DYM: variants seen among roughly 807,000 people sequenced by gnomAD.
DYM encodes the protein dymeclin, also known as dyggve-Melchior-Clausen syndrome protein.
In DYM, 78 loss-of-function variants were observed where a neutral mutation model predicts 93.1. The observed-to-expected ratio is 0.84, with a 90% CI of 0.70 to 1.01. The LOEUF (loss-of-function observed/expected upper bound fraction) is 1.01. Among genes scored for constraint, DYM ranks in the 50% least tolerant of loss-of-function variants. The probability of loss-of-function intolerance (pLI) is 0.00; values close to 1 mark genes in which losing one functional copy is unlikely to be tolerated. For synonymous variants in DYM, 321 were observed against 319.7 expected (o/e 1.00, Z -0.04); for missense variants, 789 against 845.0 (o/e 0.93, Z 0.82).
At chr18:49,394,392 T>G (rs1319565736) in intron 2 of DYM, among the ~76,000 whole-genome samples, 11 of 142,182 alleles carry the variant, frequency 7.7e-5, no homozygotes, top group African/African-American at 2.4e-4. Context: ...CATTTGTCTG[T>G]TTTTTTTTAT....
intron 5 of DYM, among the ~76,000 whole-genome samples, chr18:49,370,127 A>T (rs1229825789): frequency 6.6e-6 from 1 of 151,978 alleles, no homozygotes; most frequent in African/African-American, 2.4e-5. Flanking sequence ...AAAATACAAA[A>T]ATCAGCTGGG....
rs151319198 is a variant in DYM at position 49,399,682 on chromosome 18, G to C, written c.141-8037C>G. 2.0e-5 allele frequency among the ~76,000 whole-genome samples: 3 copies of C among 152,212 alleles called. No homozygotes were observed. In the East Asian group the frequency reaches 5.8e-4, roughly 29 times the overall value. On this transcript the variant is annotated intron_variant, in intron 2 of 17. Coordinates refer to ENST00000675505, the MANE Select transcript of DYM (RefSeq NM_001353214.3). Reference sequence around the variant, plus strand: ...CATAAAACTGAGCACGCAGCAGTAAGATTGCCCAGTTGCTTGTCTATGGCC... The same window carrying C: ...CATAAAACTGAGCACGCAGCAGTAACATTGCCCAGTTGCTTGTCTATGGCC...
intron 8 of DYM, among the ~76,000 whole-genome samples, chr18:49,319,396 C>T (rs1302916743): frequency 6.6e-6 from 1 of 151,848 alleles, no homozygotes; most frequent in East Asian, 1.9e-4. Context: ...TTTTAATAAT[C>T]TAAAAAAGGG....
intron 1 of DYM, among the ~76,000 whole-genome samples, chr18:49,440,169 G>C (rs1347636358): frequency 1.4e-5 from 2 of 144,066 alleles, no homozygotes; most frequent in Non-Finnish European, 3.0e-5. Context: ...TAAATGGAAA[G>C]TAAACATTAG....
chr18:49,049,614 C>T (rs931835347), intron 17 of DYM: 1 of 153,126 alleles, frequency 6.5e-6, no homozygotes, highest in East Asian at 1.9e-4. Flanking sequence ...AGAGTAAGTA[C>T]TTAATGAATG....
intron 5 of DYM, among the ~76,000 whole-genome samples, chr18:49,366,636 CA>C (rs1201652895): frequency 3.9e-5 from 6 of 152,288 alleles, no homozygotes; most frequent in African/African-American, 1.4e-4. Context: ...TTAAAACAAA[CA>C]AACAAACAAG....
chr18:49,296,509 G>A (rs1465986856), intron 8 of DYM, among the ~76,000 whole-genome samples: 1 of 152,074 alleles, frequency 6.6e-6, no homozygotes, highest in Non-Finnish European at 1.5e-5. Context: ...CAGTCTAAAG[G>A]AGAAACTAAC....
At chr18:49,295,702 C>T (rs1336973261) in intron 8 of DYM, among the ~76,000 whole-genome samples, 12 of 152,038 alleles carry the variant, frequency 7.9e-5, no homozygotes, top group Non-Finnish European at 1.5e-4. Flanking sequence ...AAAGCCAAAC[C>T]GATATCCTAA....
intron 2 of DYM, among the ~76,000 whole-genome samples, chr18:49,408,741 C>T (rs1335449396): frequency 2.6e-5 from 4 of 152,124 alleles, no homozygotes; most frequent in African/African-American, 7.2e-5. Flanking sequence ...AAATTATTAC[C>T]GTGCCATGTA....
At chr18:49,327,337 T>G (rs1450823916) in intron 8 of DYM, among the ~76,000 whole-genome samples, 1 of 151,918 alleles carries the variant, frequency 6.6e-6, no homozygotes, top group Non-Finnish European at 1.5e-5. Context: ...CTCTCTACTG[T>G]GTATATCTTT....
chr18:49,131,305 G>A (rs145662361), intron 15 of DYM, among the ~76,000 whole-genome samples: 67 of 152,202 alleles, frequency 4.4e-4, no homozygotes, highest in Non-Finnish European at 5.6e-4. Context: ...GCAAGCAAGC[G>A]AGCAAGTGAG....
intron 6 of DYM, among the ~76,000 whole-genome samples, chr18:49,360,631 A>G (rs1048447417): frequency 2.6e-5 from 4 of 152,042 alleles, no homozygotes; most frequent in African/African-American, 9.7e-5. Context: ...AAAAAAAAAA[A>G]GAAAAAAAAT....
chr18:49,145,134 T>TATATATATATATATATATATATATA (rs1555778609), intron 15 of DYM, among the ~76,000 whole-genome samples: 2 of 79,570 alleles, frequency 2.5e-5, no homozygotes, highest in Non-Finnish European at 5.1e-5. Flanking sequence ...TATATATATA[T>TATATATATATATATATATATATATA]AATTTATATA....
rs138229840 is a variant in DYM at position 49,326,113 on chromosome 18, A to G, written c.763+5751T>C. On this transcript the variant is annotated intron_variant, in intron 8 of 17. Transcript: ENST00000675505. ...ACCAGGTCCCACCTCATGTCTAATG[A>G]ATCAGAAACTCCAAGTTCTAACTAC... 9.7e-3 allele frequency among the ~76,000 whole-genome samples: 1,481 copies of G among 152,352 alleles called. 72 individuals carry two copies. The highest frequency in any genetic ancestry group is 0.087 in the Admixed American group (1,338 of 15,302).
chr18:49,101,438 GTTTAC>G (rs1568421551), intron 16 of DYM, among the ~76,000 whole-genome samples: 1 of 152,128 alleles, frequency 6.6e-6, no homozygotes, highest in Admixed American at 6.5e-5. Context: ...TTAATCAGTT[GTTTAC>G]TTTGAGTAAT....
At chr18:49,391,303 T>C (rs922177989) in intron 3 of DYM, 13 of 360,024 alleles carry the variant, frequency 3.6e-5, no homozygotes, top group Non-Finnish European at 6.9e-5. Context: ...CAGCACTTGG[T>C]AAATCACATT....
chr18:49,399,934 CTTTTTTT>C (rs1201370040), intron 2 of DYM, among the ~76,000 whole-genome samples: 145 of 66,132 alleles, frequency 2.2e-3, no homozygotes, highest in African/African-American at 7.3e-3. Context: ...TTTTATTTTT[CTTTTTTT>C]TTTTTTTTTT....
At chr18:49,161,187 A>C (rs2087077905) in intron 15 of DYM, among the ~76,000 whole-genome samples, 1 of 152,222 alleles carries the variant, frequency 6.6e-6, no homozygotes, top group South Asian at 2.1e-4. Context: ...ACTTAGTGAA[A>C]ATTTTATACA....
rs530208476 is a variant in DYM, at chr18:49,198,576, C to A, written c.1625+10975G>T. Among the ~76,000 whole-genome samples the A allele has an allele frequency of 4.0e-3, 615 of 152,274 alleles. 2 individuals carry two copies. The highest frequency in any genetic ancestry group is 0.014 in the African/African-American group (578 of 41,552). ...TCAAAAAGTGGGTGAAGAACATGAA[C>A]AGACACTTCTCAAAAGAAGACATTT... On this transcript the variant is annotated intron_variant, in intron 14 of 17. Transcript: ENST00000675505.
Sources: gnomAD v4.1 joint callset for allele counts (sites outside exome capture counted in the v4.1 genomes callset) on GRCh38, gnomAD v4.1.1 for gene constraint, MANE v1.5 for transcripts, NCBI Gene and HGNC (gene_info 2026-07-23, HGNC 2026-07-21) for gene names.